NEO1: variants seen among roughly 807,000 people sequenced by gnomAD.
NEO1 encodes neogenin.
NEO1 carries 63 observed loss-of-function variants against 159.7 expected under a neutral mutation model. The ratio of observed to expected loss-of-function variants is 0.39; its 90% confidence interval spans 0.32 to 0.49. The LOEUF (loss-of-function observed/expected upper bound fraction) is 0.49, where lower values mean the gene tolerates loss of function less well. Ranked by LOEUF, NEO1 falls within the 20% of genes least tolerant of loss-of-function variation. The probability of loss-of-function intolerance (pLI) is 0.85; values close to 1 mark genes in which losing one functional copy is unlikely to be tolerated. For synonymous variants in NEO1, 633 were observed against 662.0 expected (o/e 0.96, Z 0.67); for missense variants, 1,615 against 1,831.0 (o/e 0.88, Z 2.15).
intron 6 of NEO1, among the ~76,000 whole-genome samples, 153 bp from the exon 7 acceptor site, chr15:73,178,154 G>A (rs1021688252): frequency 7.2e-5 from 11 of 152,144 alleles, no homozygotes; most frequent in African/African-American, 2.4e-4. Context: ...GCTTTAGTAT[G>A]AAATTGAGTT....
At chr15:73,189,897 C>T (rs2036147032) in intron 7 of NEO1, among the ~76,000 whole-genome samples, 1 of 152,136 alleles carries the variant, frequency 6.6e-6, no homozygotes, top group Non-Finnish European at 1.5e-5. Context: ...ATTTAAAATA[C>T]AACTTTTAAT....
In NEO1 at chr15:73,288,537, G is replaced by A. The variant is rs141137577; in HGVS notation, c.3635G>A (p.Arg1212Gln). The A allele has an allele frequency of 2.8e-5, 45 of 1,613,424 alleles. No homozygotes were observed. Among genetic ancestry groups the A allele is most frequent in the Admixed American group, 2.2e-4 (13 of 60,018 alleles). ...ATGGACAGCAATATCCATCAAAGGC[G>A]AAATTCATACAGAGGTACCATTTTA... The part of the protein sequence containing the change: ...NSMDSNIHQR[R>Q]NSYRGHESED... Residue 1212 changes from arginine (R) to glutamine (Q), a missense_variant, in exon 24 of 29, where the codon CGA becomes CAA. This residue lies in a region of NEO1 where 471 missense variants were observed against 498.9 expected (regional missense o/e 0.94). Transcript: ENST00000261908.
chr15:73,163,687 G>T (rs909730787), intron 5 of NEO1, among the ~76,000 whole-genome samples: 2 of 152,184 alleles, frequency 1.3e-5, no homozygotes, highest in African/African-American at 4.8e-5. Flanking sequence ...AGGGTTTGGG[G>T]TGGGGAAACA....
chr15:73,124,293 G>A (rs1158001680), intron 3 of NEO1, among the ~76,000 whole-genome samples: 1 of 152,008 alleles, frequency 6.6e-6, no homozygotes, highest in East Asian at 1.9e-4. Context: ...GAACTCCTGG[G>A]CTCAAGTGAT....
At position 73,052,736 on chromosome 15, in the gene NEO1, C is replaced by G; in HGVS notation, c.61C>G (p.Leu21Val). 4.5e-6 allele frequency: 6 copies of G among 1,323,054 alleles called. No individual in the cohort carries two copies. The highest frequency in any genetic ancestry group is 5.8e-6 in the Non-Finnish European group (6 of 1,029,310). The allele number at this position is 1,323,054 out of a possible 1,614,324, so 82.0% of individuals were successfully genotyped here. Residue 21 changes from leucine (L) to valine (V), a missense_variant, in exon 1 of 29, where the codon CTG becomes GTG. Physicochemically the swap from Leu to Val is conservative, Grantham distance 32. Around this residue, in one of 3 missense-constraint regions of NEO1, gnomAD observed 1,018 missense variants for 1,115.4 expected, o/e 0.91. Coordinates refer to ENST00000261908, the MANE Select transcript of NEO1 (RefSeq NM_002499.4). ...CACCCCCTCCTTCTGGCTCTACTGC[C>G]TGCTGCTGCTCGGGCGCCGGGCGCC... Reference protein sequence around the residue: ...LSTPSFWLYCLLLLGRRAPGA... With the variant: ...LSTPSFWLYCVLLLGRRAPGA...
chr15:73,155,359 T>C (rs1396522559), intron 5 of NEO1, among the ~76,000 whole-genome samples: 1 of 152,196 alleles, frequency 6.6e-6, no homozygotes, highest in Admixed American at 6.5e-5. Context: ...GGTAACTAGA[T>C]GCTTTTTTTC....
At chr15:73,088,614 T>TAA (rs1471961699) in intron 1 of NEO1, among the ~76,000 whole-genome samples, 3 of 152,130 alleles carry the variant, frequency 2.0e-5, no homozygotes, top group African/African-American at 7.2e-5. Flanking sequence ...GAGGCAAGGC[T>TAA]ATCTTAATAG....
At chr15:73,223,878 C>T (rs2619260) in intron 7 of NEO1, among the ~76,000 whole-genome samples, 128,290 of 152,200 alleles carry the variant, frequency 0.84, 55,594 homozygotes, top group Non-Finnish European at 0.94. Context: ...TTAACTTGTA[C>T]TTTTGTTTTA....
chr15:73,278,574 C>G (rs1199515971), intron 22 of NEO1, among the ~76,000 whole-genome samples: 1 of 152,172 alleles, frequency 6.6e-6, no homozygotes, highest in Non-Finnish European at 1.5e-5. Flanking sequence ...CTACTACATA[C>G]TGCAGTGTTT....
At chr15:73,087,841 A>G (rs2069451405) in intron 1 of NEO1, among the ~76,000 whole-genome samples, 1 of 152,138 alleles carries the variant, frequency 6.6e-6, no homozygotes, top group African/African-American at 2.4e-5. Flanking sequence ...TGATTATACT[A>G]CAAATACCAT....
intron 16 of NEO1, among the ~76,000 whole-genome samples, chr15:73,266,763 C>G (rs2040919714): frequency 6.6e-6 from 1 of 152,170 alleles, no homozygotes; most frequent in East Asian, 1.9e-4. Flanking sequence ...ATGTAGGTTA[C>G]TGACGGTGGC....
intron 15 of NEO1, among the ~76,000 whole-genome samples, chr15:73,263,119 A>G (rs1267412146): frequency 6.6e-6 from 1 of 150,728 alleles, no homozygotes; most frequent in Non-Finnish European, 1.5e-5. Flanking sequence ...AGGTATATAT[A>G]TTTGTCAAAA....
At chr15:73,055,265 ACT>A (rs1382477861) in intron 1 of NEO1, among the ~76,000 whole-genome samples, 2 of 152,174 alleles carry the variant, frequency 1.3e-5, no homozygotes, top group Middle Eastern at 3.4e-3. Context: ...TTCACCGAGG[ACT>A]CTGTAGCTTC....
intron 26 of NEO1, among the ~76,000 whole-genome samples, chr15:73,297,728 C>G (rs2151172833): frequency 6.6e-6 from 1 of 152,362 alleles, no homozygotes; most frequent in East Asian, 1.9e-4. Flanking sequence ...CCATTTCCTT[C>G]TCTGAATCAA....
At chr15:73,141,525 CAT>C (rs1416207434) in intron 5 of NEO1, among the ~76,000 whole-genome samples, 1 of 152,190 alleles carries the variant, frequency 6.6e-6, no homozygotes, top group African/African-American at 2.4e-5. Flanking sequence ...CTGTGATACA[CAT>C]GTCTCCCGTG....
intron 1 of NEO1, among the ~76,000 whole-genome samples, chr15:73,070,743 T>C (rs1226676922): frequency 6.6e-6 from 1 of 152,170 alleles, no homozygotes; most frequent in South Asian, 2.1e-4. Flanking sequence ...AGAACAGTTA[T>C]GACATATTGT....
chr15:73,282,838 T>C (rs1241013094), intron 22 of NEO1, 126 bp from the exon 23 acceptor site: 4 of 1,174,834 alleles, frequency 3.4e-6, no homozygotes, highest in Non-Finnish European at 3.6e-6. Flanking sequence ...CGCGGCACTT[T>C]TATATAAGTC....
At chr15:73,104,060 C>T (rs1373273716) in intron 1 of NEO1, among the ~76,000 whole-genome samples, 1 of 152,122 alleles carries the variant, frequency 6.6e-6, no homozygotes, top group East Asian at 1.9e-4. Flanking sequence ...GGAGGTCTCA[C>T]TGTTTTGCTC....
rs898590910 is a variant in NEO1 at position 73,138,779 on chromosome 15, A to C, written c.1015+2752A>C. On this transcript the variant is annotated intron_variant, in intron 5 of 28. Transcript: ENST00000261908. ...TCAAAAAAAAAAAAAAAACAAAAAA[A>C]CAAAAAAACAAAGGGGGAGTTTTAA... is the stretch of plus-strand genomic sequence containing the variant. Among the ~76,000 whole-genome samples the C allele has an allele frequency of 4.0e-5, 6 of 151,034 alleles. No individual in the cohort carries two copies. The East Asian group carries it at 7.8e-4, about 20-fold the overall frequency.
Sources: gnomAD v4.1 joint callset for allele counts (sites outside exome capture counted in the v4.1 genomes callset) on GRCh38, gnomAD v4.1.1 for gene constraint, gnomAD v4.1.1 regional missense constraint, MANE v1.5 for transcripts, NCBI Gene and HGNC (gene_info 2026-07-23, HGNC 2026-07-21) for gene names.